The following ACOXL variants were observed in gnomAD, a reference collection of about 807,000 sequenced individuals.
ACOXL encodes the protein acyl-CoA oxidase like, also known as acyl-coenzyme A oxidase-like protein.
ACOXL carries 70 observed loss-of-function variants against 71.9 expected under a neutral mutation model. The ratio of observed to expected loss-of-function variants is 0.97; its 90% CI spans 0.80 to 1.19. The LOEUF (loss-of-function observed/expected upper bound fraction) is 1.19, where lower values mean the gene tolerates loss of function less well. ACOXL is among the 50% of genes most tolerant of loss of function. The pLI is 0.00. For synonymous variants in ACOXL, 253 were observed against 281.6 expected (o/e 0.90, Z 1.02); for missense variants, 703 against 736.3 (o/e 0.95, Z 0.52).
intron 15 of ACOXL, among the ~76,000 whole-genome samples, chr2:111,034,884 T>G (rs1335180368): frequency 6.6e-6 from 1 of 151,452 alleles, no homozygotes; most frequent in African/African-American, 2.4e-5. Context: ...GAAGAATGCA[T>G]AGGAAGGAAG....
At chr2:110,921,716 A>G (rs2060088615) in intron 11 of ACOXL, among the ~76,000 whole-genome samples, 1 of 152,158 alleles carries the variant, frequency 6.6e-6, no homozygotes, top group South Asian at 2.1e-4. Context: ...TCTTAAGGTG[A>G]AAGGTTAGAT....
chr2:110,861,291 A>G (rs1693925834), intron 10 of ACOXL, among the ~76,000 whole-genome samples: 1 of 152,182 alleles, frequency 6.6e-6, no homozygotes, highest in Non-Finnish European at 1.5e-5. Flanking sequence ...ATTCTACATC[A>G]TTAAAAAAAA....
chr2:111,090,661 A>G (rs1251732013), intron 16 of ACOXL, among the ~76,000 whole-genome samples: 1 of 152,224 alleles, frequency 6.6e-6, no homozygotes, highest in Non-Finnish European at 1.5e-5. Context: ...GCCTGGGGAA[A>G]ACCATCATTT....
intron 14 of ACOXL, among the ~76,000 whole-genome samples, chr2:111,031,398 T>C (rs1283234508): frequency 1.3e-5 from 2 of 152,208 alleles, no homozygotes; most frequent in Non-Finnish European, 2.9e-5. Context: ...GTGACCTCCA[T>C]TAGTATAAAT....
At chr2:111,066,180 A>G (rs2118907) in intron 16 of ACOXL, among the ~76,000 whole-genome samples, 11,947 of 152,308 alleles carry the variant, frequency 0.078, 599 homozygotes, top group Non-Finnish European at 0.11. Context: ...TGTGCATACC[A>G]TGAAATATAT....
At chr2:110,803,020 CAAAAT>C (rs760956203) in intron 8 of ACOXL, among the ~76,000 whole-genome samples, 1 of 151,842 alleles carries the variant, frequency 6.6e-6, no homozygotes, top group Non-Finnish European at 1.5e-5. Context: ...TGTCAATTAA[CAAAAT>C]AAAGCAAAAA....
At chr2:111,102,984 T>C (rs1199393708) in intron 17 of ACOXL, among the ~76,000 whole-genome samples, 1 of 152,172 alleles carries the variant, frequency 6.6e-6, no homozygotes, top group Non-Finnish European at 1.5e-5. Flanking sequence ...TGGTACTTAG[T>C]AACCATTAAA....
chr2:111,023,132 C>T (rs2064849128), intron 14 of ACOXL, among the ~76,000 whole-genome samples: 1 of 152,192 alleles, frequency 6.6e-6, no homozygotes, highest in South Asian at 2.1e-4. Context: ...CATCCAGGCT[C>T]CGAGACGTCC....
At chr2:110,961,948 A>G (rs2061713676) in intron 12 of ACOXL, among the ~76,000 whole-genome samples, 1 of 152,232 alleles carries the variant, frequency 6.6e-6, no homozygotes, top group African/African-American at 2.4e-5. Context: ...GGTCCCTCCC[A>G]TGACACGTGG....
intron 16 of ACOXL, among the ~76,000 whole-genome samples, chr2:111,058,960 G>T (rs2066674072): frequency 6.6e-6 from 1 of 152,164 alleles, no homozygotes; most frequent in African/African-American, 2.4e-5. Context: ...GACAGGATGA[G>T]CCAGGGCAGT....
At chr2:110,830,120 T>C (rs1422353018) in intron 9 of ACOXL, among the ~76,000 whole-genome samples, 1 of 152,210 alleles carries the variant, frequency 6.6e-6, no homozygotes, top group Non-Finnish European at 1.5e-5. Context: ...TTCCTCCATA[T>C]TTTTTCTTTA....
intron 10 of ACOXL, among the ~76,000 whole-genome samples, chr2:110,866,835 GC>G (rs1468161927): frequency 6.6e-6 from 1 of 152,164 alleles, no homozygotes; most frequent in Non-Finnish European, 1.5e-5. Context: ...CCCAAGCACA[GC>G]CTGGATGCTA....
intron 14 of ACOXL, among the ~76,000 whole-genome samples, chr2:111,009,549 C>G (rs963729650): frequency 8.6e-5 from 13 of 151,484 alleles, no homozygotes; most frequent in Non-Finnish European, 1.3e-4. Context: ...GAAAATGGAG[C>G]TTGAGACTGC....
At chr2:111,100,186 C>T (rs2069049937) in intron 17 of ACOXL, 1 of 152,574 alleles carries the variant, frequency 6.6e-6, no homozygotes, top group African/African-American at 2.4e-5. Context: ...AGAACCACAG[C>T]CCAGCTGTGG....
At chr2:110,734,721 T>G (rs1221930094) in intron 1 of ACOXL, among the ~76,000 whole-genome samples, 1 of 152,056 alleles carries the variant, frequency 6.6e-6, no homozygotes, top group African/African-American at 2.4e-5. Flanking sequence ...TAACTGCAGT[T>G]TAAAAGACGG....
chr2:110,838,401 A>G (rs1690722557), intron 9 of ACOXL, among the ~76,000 whole-genome samples: 1 of 152,060 alleles, frequency 6.6e-6, no homozygotes, highest in African/African-American at 2.4e-5. Flanking sequence ...ACTTGCTTAA[A>G]GCGTTTCTGA....
chr2:111,080,284 T>A (rs186384925), intron 16 of ACOXL, among the ~76,000 whole-genome samples: 1 of 152,342 alleles, frequency 6.6e-6, no homozygotes, highest in African/African-American at 2.4e-5. Context: ...TTGCTCTTGC[T>A]TCTGTAGTTC....
intron 9 of ACOXL, among the ~76,000 whole-genome samples, chr2:110,818,525 A>ATATATGTGTG (rs1688233344): frequency 2.4e-3 from 1 of 412 alleles, no homozygotes; most frequent in Non-Finnish European, 0.014. Context: ...GTATGTGTGT[A>ATATATGTGTG]TATATATATG....
chr2:111,016,170 G>A (rs907971049), intron 14 of ACOXL, among the ~76,000 whole-genome samples: 5 of 151,354 alleles, frequency 3.3e-5, no homozygotes, highest in Non-Finnish European at 5.9e-5. Flanking sequence ...TCCTGACCTC[G>A]AGTAATCCTC....
Sources: gnomAD v4.1 joint callset for allele counts (sites outside exome capture counted in the v4.1 genomes callset) on GRCh38, gnomAD v4.1.1 for gene constraint, MANE v1.5 for transcripts, NCBI Gene and HGNC (gene_info 2026-07-23, HGNC 2026-07-21) for gene names.